Variants in CACNB4 observed in about 807,000 individuals in gnomAD.
CACNB4 encodes the protein voltage-dependent L-type calcium channel subunit beta-4.
CACNB4 carries 32 observed loss-of-function variants against 71.2 expected under a neutral mutation model. The observed-to-expected ratio is 0.45, with a 90% confidence interval of 0.34 to 0.60. The LOEUF (loss-of-function observed/expected upper bound fraction) is 0.60, where lower values mean the gene tolerates loss of function less well. Ranked by LOEUF, CACNB4 falls within the 20% of genes least tolerant of loss-of-function variation. The pLI, the probability that CACNB4 is intolerant of heterozygous loss-of-function variation, is 0.01. For missense variants in CACNB4, 464 were observed against 647.9 expected, an observed-to-expected ratio of 0.72 and a Z score of 3.08; for synonymous variants, 231 against 236.9, an observed-to-expected ratio of 0.97 and a Z score of 0.23.
chr2:151,937,605 C>T (rs1326658108), intron 2 of CACNB4, among the ~76,000 whole-genome samples: 1 of 152,220 alleles, frequency 6.6e-6, no homozygotes, highest in Non-Finnish European at 1.5e-5. Flanking sequence ...GGAACCAGTG[C>T]ATCACATCTA....
intron 2 of CACNB4, among the ~76,000 whole-genome samples, chr2:151,930,766 T>G (rs2099861450): frequency 6.6e-6 from 1 of 152,182 alleles, no homozygotes. Flanking sequence ...ACCCATTTAT[T>G]TTTACATATG....
At chr2:151,995,157 G>A (rs967731937) in intron 2 of CACNB4, among the ~76,000 whole-genome samples, 1 of 152,034 alleles carries the variant, frequency 6.6e-6, no homozygotes, top group African/African-American at 2.4e-5. Context: ...AAGCATAAAT[G>A]CCAAAGTAAC....
intron 2 of CACNB4, among the ~76,000 whole-genome samples, chr2:151,887,082 AG>A (rs2099849543): frequency 6.8e-6 from 1 of 147,486 alleles, no homozygotes; most frequent in African/African-American, 2.7e-5. Context: ...GATCAAAAAG[AG>A]AGAGAGATGG....
chr2:152,052,369 C>T (rs542853247), intron 2 of CACNB4, among the ~76,000 whole-genome samples: 5 of 152,258 alleles, frequency 3.3e-5, no homozygotes, highest in South Asian at 2.1e-4. Context: ...GGCGTGATCT[C>T]GGCTCACTGT....
At chr2:152,069,508 T>C (rs1686546173) in intron 2 of CACNB4, among the ~76,000 whole-genome samples, 1 of 151,506 alleles carries the variant, frequency 6.6e-6, no homozygotes, top group Admixed American at 6.6e-5. Context: ...CACGCCTTTT[T>C]TTTTTTTTTT....
At chr2:151,934,029 G>GA (rs11376876) in intron 2 of CACNB4, among the ~76,000 whole-genome samples, 34,386 of 152,130 alleles carry the variant, frequency 0.23, 4,023 homozygotes, top group Middle Eastern at 0.42. Context: ...GAGAAGGAAG[G>GA]AATAGCTGAA....
chr2:151,973,871 C>G (rs1273616153), intron 2 of CACNB4: 2 of 1,463,576 alleles, frequency 1.4e-6, no homozygotes, highest in African/African-American at 2.8e-5. Flanking sequence ...CATTCACATC[C>G]CACAGGGTGA....
rs1211075123 is a variant in CACNB4 at position 151,838,044 on chromosome 2, A to C, written c.*1075T>G. Reference sequence around the variant, plus strand: ...AAGGGCCAGAACATTCAGATATTCAAAGACAGAGACTGAGAGAAGCAATGG... The same window carrying C: ...AAGGGCCAGAACATTCAGATATTCACAGACAGAGACTGAGAGAAGCAATGG... On this transcript the variant is annotated 3_prime_UTR_variant, in exon 14 of 14. Coordinates refer to ENST00000539935, the MANE Select transcript of CACNB4 (RefSeq NM_000726.5). The C allele has an allele frequency of 6.6e-6, 1 of 152,208 alleles. No homozygotes were observed. Among genetic ancestry groups the C allele is most frequent in the Non-Finnish European group, 1.5e-5 (1 of 68,010 alleles). 9.4% of individuals were successfully genotyped at this position (152,208 alleles called of 1,614,324 possible). A position where few individuals can be genotyped will look rare whatever the true frequency, so the allele number is the denominator to read the frequency against.
At chr2:151,968,512 C>T (rs2099871724) in intron 2 of CACNB4, 1 of 152,104 alleles carries the variant, frequency 6.6e-6, no homozygotes, top group African/African-American at 2.4e-5. Flanking sequence ...CCTTAAGTGG[C>T]CTTGTTCACC....
intron 2 of CACNB4, among the ~76,000 whole-genome samples, chr2:151,930,127 A>C (rs959049746): frequency 2.0e-5 from 3 of 152,190 alleles, no homozygotes; most frequent in Admixed American, 6.5e-5. Flanking sequence ...ACAGTAATTG[A>C]AACAGTTTAA....
chr2:151,918,569 C>A (rs1341067739), intron 2 of CACNB4, among the ~76,000 whole-genome samples: 1 of 152,212 alleles, frequency 6.6e-6, no homozygotes, highest in Non-Finnish European at 1.5e-5. Context: ...TCCACTGTTA[C>A]ACAAGCACAT....
intron 12 of CACNB4, chr2:151,851,406 A>G (rs910137018): frequency 6.6e-6 from 1 of 152,206 alleles, no homozygotes; most frequent in Non-Finnish European, 1.5e-5. Context: ...TATCTTACCA[A>G]TTATATAAAA....
At chr2:151,899,143 T>C (rs2099852780) in intron 2 of CACNB4, among the ~76,000 whole-genome samples, 1 of 152,210 alleles carries the variant, frequency 6.6e-6, no homozygotes, top group African/African-American at 2.4e-5. Flanking sequence ...AGGCCCTTCT[T>C]CTAGCTGGTG....
At chr2:151,950,890 G>C (rs1248933781) in intron 2 of CACNB4, among the ~76,000 whole-genome samples, 1 of 152,188 alleles carries the variant, frequency 6.6e-6, no homozygotes, top group Non-Finnish European at 1.5e-5. Flanking sequence ...GATAGAGGTG[G>C]TGGTCAGACA....
At chr2:152,074,563 T>C (rs1266670256) in intron 2 of CACNB4, among the ~76,000 whole-genome samples, 2 of 150,012 alleles carry the variant, frequency 1.3e-5, no homozygotes, top group Non-Finnish European at 1.5e-5. Flanking sequence ...CCGTCACCAC[T>C]GTCACCACAG....
chr2:151,891,319 T>C (rs999881688), intron 2 of CACNB4, among the ~76,000 whole-genome samples: 5 of 151,988 alleles, frequency 3.3e-5, no homozygotes, highest in Admixed American at 1.3e-4. Flanking sequence ...AAGGCCCAGA[T>C]AGAGATGGAA....
chr2:152,079,056 G>A (rs1687195693), intron 2 of CACNB4, among the ~76,000 whole-genome samples: 1 of 151,920 alleles, frequency 6.6e-6, no homozygotes. Flanking sequence ...TGCAGAGTGA[G>A]TGCAAAATAA....
intron 2 of CACNB4, among the ~76,000 whole-genome samples, chr2:152,070,728 T>C (rs1241524539): frequency 6.6e-6 from 1 of 152,198 alleles, no homozygotes; most frequent in Non-Finnish European, 1.5e-5. Context: ...GCAAACCAAT[T>C]GGCACATCCT....
At position 152,045,238 on chromosome 2, in the gene CACNB4, G is replaced by A. The variant is rs79222292; in HGVS notation, c.147+53092C>T. 6.6e-3 allele frequency among the ~76,000 whole-genome samples: 1,012 copies of A among 152,226 alleles called. 14 individuals carry two copies. Among genetic ancestry groups the A allele is most frequent in the African/African-American group, 0.023 (954 of 41,518 alleles). ...GGAATATACCAGTGTTTACAGCAGCGTTAGTCACAGTAGCCAAAAGGTAGA... is the reference window on the plus strand; with the variant it reads ...GGAATATACCAGTGTTTACAGCAGCATTAGTCACAGTAGCCAAAAGGTAGA... On this transcript the variant is annotated intron_variant, in intron 2 of 13. Coordinates refer to ENST00000539935, the MANE Select transcript of CACNB4 (RefSeq NM_000726.5).
Sources: gnomAD v4.1 joint callset for allele counts (sites outside exome capture counted in the v4.1 genomes callset) on GRCh38, gnomAD v4.1.1 for gene constraint, MANE v1.5 for transcripts, NCBI Gene and HGNC (gene_info 2026-07-23, HGNC 2026-07-21) for gene names.